SLC25A12: variants seen among roughly 807,000 people sequenced by gnomAD.
The protein encoded by SLC25A12 is electrogenic aspartate/glutamate antiporter SLC25A12, mitochondrial.
In SLC25A12, 32 loss-of-function variants were observed where a neutral mutation model predicts 83.3. The observed-to-expected ratio is 0.38, with a 90% CI of 0.29 to 0.52. The LOEUF (loss-of-function observed/expected upper bound fraction) is 0.52, where lower values mean the gene tolerates loss of function less well. Ranked by LOEUF, SLC25A12 falls within the 20% of genes least tolerant of loss-of-function variation. The probability of loss-of-function intolerance (pLI) is 0.84; values close to 1 mark genes in which losing one functional copy is unlikely to be tolerated. For missense variants in SLC25A12, 611 were observed against 835.6 expected, an observed-to-expected ratio of 0.73 and a Z score of 3.31; for synonymous variants, 267 against 291.1, an observed-to-expected ratio of 0.92 and a Z score of 0.84.
At chr2:171,807,071 T>C (rs1000795419) in intron 13 of SLC25A12, among the ~76,000 whole-genome samples, 7 of 152,272 alleles carry the variant, frequency 4.6e-5, no homozygotes, top group African/African-American at 1.7e-4. Flanking sequence ...CAGTGAATTA[T>C]GTTTTAACAA....
chr2:171,863,980 T>C (rs1400016218), intron 3 of SLC25A12, among the ~76,000 whole-genome samples: 4 of 152,202 alleles, frequency 2.6e-5, no homozygotes, highest in Admixed American at 6.5e-5. Context: ...ACATAGTAAA[T>C]TTCACACACT....
At chr2:171,793,805 C>T (rs917321378) in intron 13 of SLC25A12, 38 bp from the exon 14 acceptor site, 3 of 1,613,484 alleles carry the variant, frequency 1.9e-6, no homozygotes, top group African/African-American at 2.7e-5. Flanking sequence ...GATTCCACAT[C>T]AGAGCCCGAC....
chr2:171,884,375 G>C (rs1685767475), intron 2 of SLC25A12, among the ~76,000 whole-genome samples: 1 of 151,630 alleles, frequency 6.6e-6, no homozygotes, highest in Admixed American at 6.6e-5. Flanking sequence ...ATTTTTAGTA[G>C]AGACGGGGTT....
chr2:171,848,385 A>C, intron 4 of SLC25A12: 1 of 428,044 alleles, frequency 2.3e-6, no homozygotes, highest in East Asian at 7.2e-5. Context: ...CAACCAACTT[A>C]TAGGCTTGAG....
chr2:171,893,784 C>T (rs1056300192), intron 1 of SLC25A12, among the ~76,000 whole-genome samples: 4 of 152,176 alleles, frequency 2.6e-5, no homozygotes, highest in African/African-American at 9.7e-5. Context: ...CCAACCACTG[C>T]CCTCGGCCTT....
intron 2 of SLC25A12, among the ~76,000 whole-genome samples, chr2:171,884,521 G>A (rs1685771544): frequency 6.6e-6 from 1 of 151,376 alleles, no homozygotes; most frequent in Non-Finnish European, 1.5e-5. Context: ...TGTAATCCCA[G>A]CACTTTGGGA....
chr2:171,806,904 C>A (rs1393341757), intron 13 of SLC25A12, among the ~76,000 whole-genome samples: 1 of 152,194 alleles, frequency 6.6e-6, no homozygotes, highest in Non-Finnish European at 1.5e-5. Context: ...GGCTCACAGA[C>A]AGCCACTCTT....
In SLC25A12 at chr2:171,785,364, G is replaced by C. The variant is rs199526039; in HGVS notation, c.1947C>G (p.Ile649Met). 1.2e-6 allele frequency: 2 copies of C among 1,614,152 alleles called. No individual in the cohort carries two copies. The highest frequency in any genetic ancestry group is 1.7e-6 in the Non-Finnish European group (2 of 1,180,024). Reference sequence around the variant, plus strand: ...GGAGATAAAGGCCAAATTTGTTTTCGATGCCTGCAAACGTGGCTGTGGCGA... The same window carrying C: ...GGAGATAAAGGCCAAATTTGTTTTCCATGCCTGCAAACGTGGCTGTGGCGA... ...YRLATATFAG[I>M]ENKFGLYLPK... Residue 649 changes from isoleucine to methionine, a missense_variant, in exon 18 of 18, where the codon ATC becomes ATG. Physicochemically the swap from Ile to Met is conservative, Grantham distance 10. Coordinates refer to ENST00000422440, the MANE Select transcript of SLC25A12 (RefSeq NM_003705.5).
chr2:171,827,523 A>G (rs72885532), intron 8 of SLC25A12, among the ~76,000 whole-genome samples: 32,494 of 151,968 alleles, frequency 0.21, 4,161 homozygotes, highest in East Asian at 0.57. Context: ...CCTTCACTTC[A>G]GCCTCCGATT....
At chr2:171,826,769 G>T in intron 9 of SLC25A12, 29 bp downstream of exon 9, 2 of 1,260,550 alleles carry the variant, frequency 1.6e-6, no homozygotes, top group Non-Finnish European at 2.3e-6. Context: ...ATTTTTTTAA[G>T]GTGATCATAT....
chr2:171,864,057 C>T (rs932286666), intron 3 of SLC25A12, among the ~76,000 whole-genome samples: 1 of 152,204 alleles, frequency 6.6e-6, no homozygotes, highest in Non-Finnish European at 1.5e-5. Flanking sequence ...AACTTAGACA[C>T]CAATCTTTCT....
At chr2:171,874,317 G>A (rs776631632) in intron 2 of SLC25A12, among the ~76,000 whole-genome samples, 1 of 152,182 alleles carries the variant, frequency 6.6e-6, no homozygotes, top group East Asian at 1.9e-4. Flanking sequence ...TCTTGAACCC[G>A]GGAGGCAGAG....
intron 4 of SLC25A12, among the ~76,000 whole-genome samples, chr2:171,850,095 T>C (rs1032172104): frequency 6.6e-6 from 1 of 151,496 alleles, no homozygotes; most frequent in African/African-American, 2.4e-5. Context: ...AGAGCCACCA[T>C]GCCTGGCCGC....
intron 3 of SLC25A12, among the ~76,000 whole-genome samples, chr2:171,867,662 C>T (rs956775425): frequency 1.3e-5 from 2 of 151,998 alleles, no homozygotes; most frequent in Non-Finnish European, 2.9e-5. Flanking sequence ...AGAGGGAGAG[C>T]GCCTAATCTC....
chr2:171,885,081 C>T (rs1429584064), intron 2 of SLC25A12, among the ~76,000 whole-genome samples: 6 of 147,924 alleles, frequency 4.1e-5, no homozygotes, highest in African/African-American at 1.0e-4. Context: ...GGCGTGGTGG[C>T]GGGCGCCTGT....
intron 3 of SLC25A12, among the ~76,000 whole-genome samples, chr2:171,866,614 G>A (rs1420309117): frequency 9.8e-6 from 1 of 101,796 alleles, no homozygotes; most frequent in East Asian, 3.0e-4. Flanking sequence ...CCTCCCGGAC[G>A]GGGCGGCTGG....
At chr2:171,792,633 G>GA (rs1238563565) in intron 14 of SLC25A12, among the ~76,000 whole-genome samples, 368 of 136,922 alleles carry the variant, frequency 2.7e-3, no homozygotes, top group African/African-American at 6.1e-3. Context: ...CTCAAACATT[G>GA]AAAAAAAAAA....
chr2:171,869,720 A>C (rs1430819542), intron 2 of SLC25A12, among the ~76,000 whole-genome samples: 2 of 152,324 alleles, frequency 1.3e-5, no homozygotes, highest in East Asian at 3.8e-4. Context: ...CTTCTCCTTG[A>C]GTTGCATCAG....
At chr2:171,871,855 G>T in intron 2 of SLC25A12, 1 of 439,372 alleles carries the variant, frequency 2.3e-6, no homozygotes, top group Non-Finnish European at 3.0e-6. Context: ...GGAGGCGGAG[G>T]TTGCAATGAG....
Sources: allele counts gnomAD v4.1 joint callset (sites outside exome capture counted in the v4.1 genomes callset), GRCh38; gene constraint gnomAD v4.1.1; transcripts MANE v1.5; gene names NCBI Gene and HGNC (gene_info 2026-07-23, HGNC 2026-07-21).